The following NUS1 variants were observed in gnomAD, a reference collection of about 807,000 sequenced individuals.
The protein encoded by NUS1 is NUS1 dehydrodolichyl diphosphate synthase subunit.
For missense variants in NUS1, 292 were observed against 382.9 expected (o/e 0.76, Z 1.98); for synonymous variants, 135 against 155.2 (o/e 0.87, Z 0.97).
chr6:117,688,449 CTT>C (rs56753843), intron 1 of NUS1, among the ~76,000 whole-genome samples: 175 of 148,450 alleles, frequency 1.2e-3, no homozygotes, highest in African/African-American at 1.6e-3. Flanking sequence ...AGAAGGAGGA[CTT>C]TTTTTTTTTT....
intron 1 of NUS1, among the ~76,000 whole-genome samples, chr6:117,689,916 T>C (rs1484129578): frequency 2.6e-5 from 4 of 152,248 alleles, no homozygotes; most frequent in Non-Finnish European, 4.4e-5. Flanking sequence ...CCACAATTTA[T>C]ACATATAATA....
At chr6:117,683,644 A>AT (rs1451178412) in intron 1 of NUS1, among the ~76,000 whole-genome samples, 35 of 150,874 alleles carry the variant, frequency 2.3e-4, no homozygotes, top group Non-Finnish European at 4.7e-4. Flanking sequence ...TGCTTATCTC[A>AT]TTTTTTTCTC....
Position 117,707,136 on chromosome 6 carries a change from CAACA to C in NUS1, c.*126_*129del. 6 of 849,476 alleles carry C rather than the reference CAACA, an allele frequency of 7.1e-6. No homozygotes were observed. Among genetic ancestry groups the C allele is most frequent in the Non-Finnish European group, 1.1e-5 (6 of 526,744 alleles). 52.6% of individuals were successfully genotyped at this position (849,476 alleles called of 1,614,324 possible). On this transcript the variant is annotated 3_prime_UTR_variant, in exon 5 of 5. Transcript: ENST00000368494. ...CTAGTTCATAATCCTCATAATTTATCAACAAACACAAAAAAGTGTCTTACTTGAG... is the reference window on the plus strand; with the variant it reads ...CTAGTTCATAATCCTCATAATTTATCAACACAAAAAAGTGTCTTACTTGAG...
chr6:117,681,664 A>G (rs963047543), intron 1 of NUS1, among the ~76,000 whole-genome samples: 2 of 152,212 alleles, frequency 1.3e-5, no homozygotes, highest in African/African-American at 2.4e-5. Context: ...GAATAGTACA[A>G]CCTAGTGTTT....
In NUS1 at chr6:117,692,936, T is replaced by C. The variant is rs146812412; in HGVS notation, c.416-106T>C. Reference sequence around the variant, plus strand: ...TAGGACTAGTCATTACAGCTTTGTTTGACATTCGTTTAGTTCTGGATCTAG... The same window carrying C: ...TAGGACTAGTCATTACAGCTTTGTTCGACATTCGTTTAGTTCTGGATCTAG... On this transcript the variant is annotated intron_variant, in intron 1 of 4. Coordinates refer to ENST00000368494, the MANE Select transcript of NUS1 (RefSeq NM_138459.5). 41 of 895,492 alleles carry C rather than the reference T, an allele frequency of 4.6e-5. No homozygotes were observed. In the Admixed American group the frequency reaches 1.0e-3, roughly 23 times the overall value. The allele number at this position is 895,492 out of a possible 1,614,324, so 55.5% of individuals were successfully genotyped here.
rs756091140 is a variant in NUS1, at chr6:117,693,186, T to C, written c.541+19T>C. On this transcript the variant is annotated intron_variant, in intron 2 of 4. Coordinates refer to ENST00000368494, the MANE Select transcript of NUS1 (RefSeq NM_138459.5). Reference sequence around the variant, plus strand: ...GATCAAGGTAAGCATGAGTGTATAATTGAACATGTAACATATGAAGATGTG... The same window carrying C: ...GATCAAGGTAAGCATGAGTGTATAACTGAACATGTAACATATGAAGATGTG... 10 of 1,604,384 alleles carry C rather than the reference T, an allele frequency of 6.2e-6. No homozygotes were observed. The highest frequency in any genetic ancestry group is 1.7e-5 in the Admixed American group (1 of 58,400).
intron 1 of NUS1, among the ~76,000 whole-genome samples, chr6:117,677,277 A>G (rs539695643): frequency 6.6e-6 from 1 of 152,314 alleles, no homozygotes; most frequent in Admixed American, 6.5e-5. Context: ...TAAAATTACT[A>G]TTGTGAGAAG....
chr6:117,692,709 G>A (rs1413745580), intron 1 of NUS1, among the ~76,000 whole-genome samples: 1 of 152,084 alleles, frequency 6.6e-6, no homozygotes, highest in African/African-American at 2.4e-5. Context: ...ATTTCTTGGA[G>A]AAGAACCTTA....
intron 1 of NUS1, 143 bp downstream of exon 1, chr6:117,676,228 C>T: frequency 8.0e-7 from 1 of 1,257,050 alleles, no homozygotes. Context: ...GGGAGATCAG[C>T]TTTATTGAAC....
At chr6:117,686,938 T>C (rs975918895) in intron 1 of NUS1, among the ~76,000 whole-genome samples, 1 of 151,310 alleles carries the variant, frequency 6.6e-6, no homozygotes, top group African/African-American at 2.4e-5. Flanking sequence ...GCTGATAATA[T>C]TGCTTGTGAA....
chr6:117,690,358 T>TA (rs1294006518), intron 1 of NUS1, among the ~76,000 whole-genome samples: 1 of 152,180 alleles, frequency 6.6e-6, no homozygotes, highest in African/African-American at 2.4e-5. Flanking sequence ...TTTGAAATCT[T>TA]ACTAATCGTT....
chr6:117,710,635 T>C lies in NUS1; in HGVS notation c.*3620T>C, dbSNP rs1773562149. ...AGAGATTTTTTAAAAAACTATAAAC[T>C]AGAAATTGAGAGTCTTGCATTCTCT... On this transcript the variant is annotated 3_prime_UTR_variant, in exon 5 of 5. Coordinates refer to ENST00000368494, the MANE Select transcript of NUS1 (RefSeq NM_138459.5). The C allele has an allele frequency of 1.3e-5, 2 of 152,138 alleles. No individual in the cohort carries two copies. The highest frequency in any genetic ancestry group is 2.4e-5 in the African/African-American group (1 of 41,452). The allele number at this position is 152,138 out of a possible 1,614,324, so 9.4% of individuals were successfully genotyped here.
rs1039266078 is a variant in NUS1, at chr6:117,675,518, G to A, written c.-153G>A. 1 of 702,528 alleles carries A rather than the reference G, an allele frequency of 1.4e-6. No individual in the cohort carries two copies. The highest frequency in any genetic ancestry group is 2.3e-6 in the Non-Finnish European group (1 of 426,884). 43.5% of individuals were successfully genotyped at this position (702,528 alleles called of 1,614,324 possible). Reference sequence around the variant, plus strand: ...AGGGAGGAGGAAGATGGCGGCGGGGGCGAGGTGAGGTGTTGGCAGTGGAAA... The same window carrying A: ...AGGGAGGAGGAAGATGGCGGCGGGGACGAGGTGAGGTGTTGGCAGTGGAAA... On this transcript the variant is annotated 5_prime_UTR_variant, in exon 1 of 5. Coordinates refer to ENST00000368494, the MANE Select transcript of NUS1 (RefSeq NM_138459.5).
chr6:117,680,487 T>C (rs1426036902), intron 1 of NUS1, among the ~76,000 whole-genome samples: 2 of 152,240 alleles, frequency 1.3e-5, no homozygotes, highest in African/African-American at 4.8e-5. Flanking sequence ...TTGCTGTTGA[T>C]TGGTATTTTT....
intron 1 of NUS1, among the ~76,000 whole-genome samples, chr6:117,683,318 G>A (rs1773090097): frequency 6.6e-6 from 1 of 152,048 alleles, no homozygotes; most frequent in Non-Finnish European, 1.5e-5. Flanking sequence ...GTCCTGAAGG[G>A]CTCTCTCCTG....
At position 117,675,587 on chromosome 6, in the gene NUS1, G is replaced by A. The variant is rs1772957530; in HGVS notation, c.-84G>A. ...GCGGGGGGACGCGGAGCGATGGCCC[G>A]CGCCGGCCGCAGGGGCGGATAAAAA... On this transcript the variant is annotated 5_prime_UTR_variant, in exon 1 of 5. Transcript: ENST00000368494. The A allele has an allele frequency of 2.1e-6, 3 of 1,416,410 alleles. No homozygotes were observed. Among genetic ancestry groups the A allele is most frequent in the Non-Finnish European group, 2.9e-6 (3 of 1,046,794 alleles). 87.7% of individuals were successfully genotyped at this position (1,416,410 alleles called of 1,614,324 possible). A position where few individuals can be genotyped will look rare whatever the true frequency, so the allele number is the denominator to read the frequency against.
chr6:117,679,552 C>T (rs1306731962), intron 1 of NUS1, among the ~76,000 whole-genome samples: 1 of 152,172 alleles, frequency 6.6e-6, no homozygotes, highest in Admixed American at 6.5e-5. Context: ...GCAGTTTTTC[C>T]TTTGGGTCAC....
At position 117,697,986 on chromosome 6, in the gene NUS1, A is replaced by G. The variant is rs146915175; in HGVS notation, c.691+3806A>G. On this transcript the variant is annotated intron_variant, in intron 3 of 4. Transcript: ENST00000368494. Reference sequence around the variant, plus strand: ...TCTCTGACCACAATGGAATAAAACTAGAAATCAATAAGAGGAATTTTGGAA... The same window carrying G: ...TCTCTGACCACAATGGAATAAAACTGGAAATCAATAAGAGGAATTTTGGAA... Among the ~76,000 whole-genome samples the G allele has an allele frequency of 1.9e-3, 286 of 152,238 alleles. 1 individual carries two copies. Among genetic ancestry groups the G allele is most frequent in the African/African-American group, 6.3e-3 (261 of 41,584 alleles).
chr6:117,689,561 G>GTT (rs554090531), intron 1 of NUS1, among the ~76,000 whole-genome samples: 7 of 149,026 alleles, frequency 4.7e-5, no homozygotes, highest in South Asian at 2.1e-4. Flanking sequence ...TTTGTTTTTT[G>GTT]TTTTTTTTTG....
Sources: allele counts gnomAD v4.1 joint callset (sites outside exome capture counted in the v4.1 genomes callset), GRCh38; gene constraint gnomAD v4.1.1; transcripts MANE v1.5; gene names NCBI Gene and HGNC (gene_info 2026-07-23, HGNC 2026-07-21).